HORMAD2: variants seen among roughly 807,000 people sequenced by gnomAD.
The protein encoded by HORMAD2 is HORMA domain-containing protein 2.
HORMAD2 carries 45 observed loss-of-function variants against 38.8 expected under a neutral mutation model. That is an observed-to-expected ratio of 1.16 (90% CI 0.91 to 1.49). The LOEUF (loss-of-function observed/expected upper bound fraction) is 1.49. Among genes scored for constraint, HORMAD2 ranks in the 40% most tolerant of loss-of-function variants. HORMAD2 has a pLI of 0.00. For synonymous variants in HORMAD2, 126 were observed against 122.8 expected, an observed-to-expected ratio of 1.03 and a Z score of -0.17; for missense variants, 338 against 367.0, an observed-to-expected ratio of 0.92 and a Z score of 0.65.
At chr22:30,200,423 G>C in the HORMAD2 span, among the ~76,000 whole-genome samples, 3 of 152,112 alleles carry the variant, frequency 2.0e-5, no homozygotes, top group African/African-American at 7.2e-5. Context: ...TAGGTTTACT[G>C]CTATGTGATT....
intron 10 of HORMAD2, among the ~76,000 whole-genome samples, chr22:30,169,852 CCTTT>C (rs1926003611): frequency 6.6e-6 from 1 of 152,190 alleles, no homozygotes; most frequent in Non-Finnish European, 1.5e-5. Context: ...ATGTTTTACT[CCTTT>C]CTTTCCTTTA....
At chr22:30,197,894 T>C in the HORMAD2 span, among the ~76,000 whole-genome samples, 48 of 152,226 alleles carry the variant, frequency 3.2e-4, no homozygotes, top group Non-Finnish European at 6.0e-4. Flanking sequence ...GAGTCAAGGA[T>C]GGGCTGGGCA....
intron 10 of HORMAD2, among the ~76,000 whole-genome samples, chr22:30,156,085 A>T (rs1366432929): frequency 1.3e-5 from 2 of 151,988 alleles, no homozygotes; most frequent in African/African-American, 4.8e-5. Context: ...TCGTTACTCC[A>T]TTTGGCACTG....
chr22:30,185,816 A>G, the HORMAD2 span, among the ~76,000 whole-genome samples: 2 of 152,114 alleles, frequency 1.3e-5, no homozygotes, highest in Non-Finnish European at 2.9e-5. Context: ...CCTTTATAGA[A>G]GAACCTCTGC....
At chr22:30,171,610 C>T (rs181320445) in intron 10 of HORMAD2, among the ~76,000 whole-genome samples, 104 of 152,228 alleles carry the variant, frequency 6.8e-4, no homozygotes, top group Non-Finnish European at 9.7e-4. Flanking sequence ...TTCTACACTG[C>T]AGGCAGAGTG....
At chr22:30,157,860 G>A (rs961444358) in intron 10 of HORMAD2, among the ~76,000 whole-genome samples, 3 of 152,060 alleles carry the variant, frequency 2.0e-5, no homozygotes, top group Non-Finnish European at 4.4e-5. Context: ...CCAGCTTAGA[G>A]CACATTTCAT....
chr22:30,104,369 C>A, intron 4 of HORMAD2, 32 bp from the exon 5 acceptor site: 1 of 1,593,928 alleles, frequency 6.3e-7, no homozygotes, highest in Non-Finnish European at 8.6e-7. Context: ...TGCATATGGT[C>A]CAATTGACAT....
intron 7 of HORMAD2, among the ~76,000 whole-genome samples, chr22:30,113,090 A>G (rs1287013486): frequency 6.6e-6 from 1 of 152,066 alleles, no homozygotes; most frequent in African/African-American, 2.4e-5. Flanking sequence ...AAGGCCAACT[A>G]TGTTCATATC....
chr22:30,206,746 G>A, the HORMAD2 span, among the ~76,000 whole-genome samples: 1 of 152,156 alleles, frequency 6.6e-6, no homozygotes, highest in South Asian at 2.1e-4. Context: ...TGGGATTACA[G>A]GCATGAGCCA....
At chr22:30,102,067 C>CA (rs574394255) in intron 3 of HORMAD2, among the ~76,000 whole-genome samples, 170 of 142,364 alleles carry the variant, frequency 1.2e-3, no homozygotes, top group Middle Eastern at 3.6e-3. Context: ...GACTCTGTCT[C>CA]AAAAAAAAAA....
chr22:30,180,879 TTTCCCTTTCCCTTCC>T (rs1447192368), downstream of HORMAD2, among the ~76,000 whole-genome samples: 22 of 136,868 alleles, frequency 1.6e-4, no homozygotes, highest in East Asian at 9.3e-4. Flanking sequence ...TTCCCTTCCC[TTTCCCTTTCCCTTCC>T]TTCCCTTTCC....
At chr22:30,124,895 G>A (rs1262713810) in intron 10 of HORMAD2, among the ~76,000 whole-genome samples, 1 of 152,120 alleles carries the variant, frequency 6.6e-6, no homozygotes, top group African/African-American at 2.4e-5. Flanking sequence ...CCCAGTGAAG[G>A]AGAGTACCCT....
chr22:30,161,306 T>C (rs1445677661), intron 10 of HORMAD2, among the ~76,000 whole-genome samples: 3 of 152,214 alleles, frequency 2.0e-5, no homozygotes, highest in Admixed American at 1.3e-4. Flanking sequence ...CAACACCTGC[T>C]AAAGCACTTA....
At position 30,085,597 on chromosome 22, in the gene HORMAD2, T is replaced by A. The variant is rs2068556590; in HGVS notation, c.-38+5106T>A. ...GGCTAAACCCCATCTCTACTAAAAATACAAAAATTAGCTGGATGTGGTGGC... is the reference window on the plus strand; with the variant it reads ...GGCTAAACCCCATCTCTACTAAAAAAACAAAAATTAGCTGGATGTGGTGGC... On this transcript the variant is annotated intron_variant, in intron 1 of 10. Transcript: ENST00000336726. 2.0e-5 allele frequency among the ~76,000 whole-genome samples: 3 copies of A among 151,926 alleles called. No homozygotes were observed. The South Asian group carries it at 6.2e-4, about 32-fold the overall frequency.
chr22:30,154,746 A>T (rs550461639), intron 10 of HORMAD2, among the ~76,000 whole-genome samples: 1 of 152,224 alleles, frequency 6.6e-6, no homozygotes, highest in African/African-American at 2.4e-5. Context: ...TTTCCTCAAG[A>T]TTAGATTCAG....
chr22:30,093,673 A>G (rs2068731723), intron 1 of HORMAD2, among the ~76,000 whole-genome samples: 1 of 152,096 alleles, frequency 6.6e-6, no homozygotes, highest in East Asian at 1.9e-4. Context: ...ACTCAAATTC[A>G]TTTTATCGTT....
intron 10 of HORMAD2, among the ~76,000 whole-genome samples, chr22:30,174,274 G>A (rs1030997019): frequency 2.0e-5 from 3 of 152,178 alleles, no homozygotes; most frequent in African/African-American, 7.2e-5. Flanking sequence ...CCTGATGAGT[G>A]GCCTTTTGCT....
chr22:30,156,994 G>GTTA (rs1482662439), intron 10 of HORMAD2, among the ~76,000 whole-genome samples: 1 of 152,108 alleles, frequency 6.6e-6, no homozygotes, highest in African/African-American at 2.4e-5. Flanking sequence ...ATTAAGATAT[G>GTTA]TTATTATTGG....
In HORMAD2 at chr22:30,088,254, CACATATAT is replaced by C. The variant is rs985955355; in HGVS notation, c.-37-5650_-37-5643del. Reference sequence around the variant, plus strand: ...ATATACACACATATATACATATACACACATATATACATATATACACACATATATACATA... The same window carrying C: ...ATATACACACATATATACATATACACACATATATACACACATATATACATA... On this transcript the variant is annotated intron_variant, in intron 1 of 10. Transcript: ENST00000336726. 5.3e-5 allele frequency among the ~76,000 whole-genome samples: 8 copies of C among 149,970 alleles called. No individual in the cohort carries two copies. The East Asian group carries it at 1.4e-3, about 26-fold the overall frequency.
Sources: allele counts gnomAD v4.1 joint callset (sites outside exome capture counted in the v4.1 genomes callset), GRCh38; gene constraint gnomAD v4.1.1; transcripts MANE v1.5; gene names NCBI Gene and HGNC (gene_info 2026-07-23, HGNC 2026-07-21).